Variants in ZCCHC14 observed in about 807,000 individuals in gnomAD.
The protein encoded by ZCCHC14 is zinc finger CCHC domain-containing protein 14.
In ZCCHC14, 16 loss-of-function variants were observed where a neutral mutation model predicts 85.0. The ratio of observed to expected loss-of-function variants is 0.19; its 90% CI spans 0.13 to 0.29. The LOEUF is 0.29. ZCCHC14 is among the 10% of genes least tolerant of loss of function. The pLI is 1.00. For missense variants in ZCCHC14, 1,303 were observed against 1,443.5 expected, an observed-to-expected ratio of 0.90 and a Z score of 1.58; for synonymous variants, 775 against 630.7, an observed-to-expected ratio of 1.23 and a Z score of -3.43.
chr16:87,430,929 G>C (rs1196551246), intron 3 of ZCCHC14, among the ~76,000 whole-genome samples: 2 of 151,974 alleles, frequency 1.3e-5, no homozygotes, highest in Non-Finnish European at 2.9e-5. Context: ...CGCTTGAGCA[G>C]GGGAGTTTGA....
intron 2 of ZCCHC14, among the ~76,000 whole-genome samples, chr16:87,446,880 T>G (rs1597426815): frequency 6.6e-6 from 1 of 151,372 alleles, no homozygotes; most frequent in African/African-American, 2.4e-5. Flanking sequence ...GAGACGGGGG[T>G]TTCACCATGT....
At chr16:87,484,306 G>A (rs1332415246) in intron 1 of ZCCHC14, among the ~76,000 whole-genome samples, 1 of 152,208 alleles carries the variant, frequency 6.6e-6, no homozygotes, top group Admixed American at 6.5e-5. Context: ...AGCAGCCTCT[G>A]GCACTTTTCC....
intron 1 of ZCCHC14, among the ~76,000 whole-genome samples, chr16:87,460,814 G>C (rs763589207): frequency 6.6e-6 from 1 of 152,158 alleles, no homozygotes; most frequent in African/African-American, 2.4e-5. Context: ...TTACACAGCA[G>C]GACTTAACAT....
intron 7 of ZCCHC14, 37 bp downstream of exon 7, chr16:87,418,810 T>C: frequency 6.3e-7 from 1 of 1,594,400 alleles, no homozygotes; most frequent in Non-Finnish European, 8.6e-7. Context: ...GTAAAATGCT[T>C]ATCTGAACTG....
At chr16:87,483,813 G>C (rs1445732600) in intron 1 of ZCCHC14, among the ~76,000 whole-genome samples, 2 of 152,204 alleles carry the variant, frequency 1.3e-5, no homozygotes, top group Non-Finnish European at 2.9e-5. Flanking sequence ...TCCACTTCCA[G>C]ATTTCTACTC....
At chr16:87,411,201 G>C (rs1490085796) in intron 12 of ZCCHC14, among the ~76,000 whole-genome samples, 1 of 152,176 alleles carries the variant, frequency 6.6e-6, no homozygotes, top group African/African-American at 2.4e-5. Context: ...GTTAAGCCAG[G>C]GGGCAGCACT....
intron 1 of ZCCHC14, among the ~76,000 whole-genome samples, chr16:87,480,037 A>C (rs568053067): frequency 1.3e-5 from 2 of 152,086 alleles, no homozygotes; most frequent in South Asian, 4.2e-4. Context: ...GGTCTCCCAA[A>C]GTGCTGGGGT....
chr16:87,448,337 T>C (rs1199501101), intron 2 of ZCCHC14, among the ~76,000 whole-genome samples: 1 of 152,204 alleles, frequency 6.6e-6, no homozygotes, highest in Non-Finnish European at 1.5e-5. Flanking sequence ...TGTTTTGTTG[T>C]TCTCCTTTGA....
At chr16:87,456,238 T>G (rs1181799256) in intron 2 of ZCCHC14, among the ~76,000 whole-genome samples, 1 of 152,050 alleles carries the variant, frequency 6.6e-6, no homozygotes, top group Non-Finnish European at 1.5e-5. Context: ...ATTTTAGAAT[T>G]TAGATTTTAG....
Position 87,476,299 on chromosome 16 carries a change from C to T in ZCCHC14, c.570+15370G>A, listed in dbSNP as rs1383763807. Among the ~76,000 whole-genome samples, 9 of 152,242 alleles carry T rather than the reference C, an allele frequency of 5.9e-5. No individual in the cohort carries two copies. The South Asian group carries it at 1.2e-3, about 21-fold the overall frequency. ...AAAAGCACCAAAATGGTAAATAGACCTGGTTCCACTTAGGGGTTGGGGGAA... is the reference window on the plus strand; with the variant it reads ...AAAAGCACCAAAATGGTAAATAGACTTGGTTCCACTTAGGGGTTGGGGGAA... On this transcript the variant is annotated intron_variant, in intron 1 of 12. Transcript: ENST00000671377.
intron 12 of ZCCHC14, among the ~76,000 whole-genome samples, chr16:87,410,799 C>G (rs901343428): frequency 1.3e-5 from 2 of 152,208 alleles, no homozygotes; most frequent in Non-Finnish European, 2.9e-5. Context: ...TTTCTAAAAA[C>G]TCTCCAGGTG....
chr16:87,467,047 T>A (rs902888248), intron 1 of ZCCHC14: 2 of 52,004 alleles, frequency 3.8e-5, no homozygotes, highest in Non-Finnish European at 1.2e-4. Flanking sequence ...AAAAAATTGT[T>A]TTTTTTTTTT....
chr16:87,431,472 G>GAAAAAA (rs537437083), intron 3 of ZCCHC14, among the ~76,000 whole-genome samples: 5 of 76,706 alleles, frequency 6.5e-5, no homozygotes, highest in African/African-American at 1.2e-4. Flanking sequence ...GGCTCTGTCT[G>GAAAAAA]AAAAAAAAAA....
chr16:87,462,528 C>G (rs1055614576), intron 1 of ZCCHC14, among the ~76,000 whole-genome samples: 7 of 147,864 alleles, frequency 4.7e-5, no homozygotes, highest in Admixed American at 1.3e-4. Context: ...ATCACAAGGT[C>G]GGGAGATCAA....
intron 1 of ZCCHC14, among the ~76,000 whole-genome samples, chr16:87,488,588 A>AT (rs1388893979): frequency 1.6e-4 from 24 of 152,172 alleles, no homozygotes; most frequent in Non-Finnish European, 2.8e-4. Context: ...TTTAAAAAAA[A>AT]TTTTTTGAGA....
At position 87,457,919 on chromosome 16, in the gene ZCCHC14, C is replaced by T. The variant is rs1411504315; in HGVS notation, c.694+2089G>A. ...CTGCAGGTAATTAAGAGCGTCTGCT[C>T]GCTGCGGTATTTTAAGCACTGTGGG... On this transcript the variant is annotated intron_variant, in intron 2 of 12. Coordinates refer to ENST00000671377, the MANE Select transcript of ZCCHC14 (RefSeq NM_015144.3). Among the ~76,000 whole-genome samples, 3 of 152,212 alleles carry T rather than the reference C, an allele frequency of 2.0e-5. No homozygotes were observed. In the East Asian group the frequency reaches 5.8e-4, roughly 29 times the overall value.
intron 2 of ZCCHC14, among the ~76,000 whole-genome samples, chr16:87,454,494 T>TA (rs1910855763): frequency 6.6e-6 from 1 of 152,150 alleles, no homozygotes. Flanking sequence ...TTGTTAAAGT[T>TA]AAAACAAAAA....
At chr16:87,487,797 T>G (rs1305595087) in intron 1 of ZCCHC14, among the ~76,000 whole-genome samples, 1 of 151,996 alleles carries the variant, frequency 6.6e-6, no homozygotes, top group Non-Finnish European at 1.5e-5. Flanking sequence ...GGAACGCCAC[T>G]CGGCAGCGAA....
intron 8 of ZCCHC14, among the ~76,000 whole-genome samples, chr16:87,416,488 T>C (rs1179550863): frequency 3.3e-5 from 5 of 152,076 alleles, no homozygotes; most frequent in Non-Finnish European, 7.4e-5. Context: ...CCAGGCGCGG[T>C]GGCTCATGCC....
Sources: allele counts gnomAD v4.1 joint callset (sites outside exome capture counted in the v4.1 genomes callset), GRCh38; gene constraint gnomAD v4.1.1; transcripts MANE v1.5; gene names NCBI Gene and HGNC (gene_info 2026-07-23, HGNC 2026-07-21).